The following PUDP variants were observed in gnomAD, a reference collection of about 807,000 sequenced individuals.
The protein encoded by PUDP is pseudouridine-5'-phosphatase.
Under a neutral mutation model 9.4 loss-of-function variants are expected in PUDP, and 8 were observed. The ratio of observed to expected loss-of-function variants is 0.85; its 90% confidence interval spans 0.50 to 1.53. The LOEUF (loss-of-function observed/expected upper bound fraction) is 1.53. Ranked by LOEUF, PUDP falls within the 40% of genes most tolerant of loss-of-function variation. The pLI, the probability that PUDP is intolerant of heterozygous loss-of-function variation, is 0.00. For missense variants in PUDP, 188 were observed against 189.7 expected (o/e 0.99, Z 0.05); for synonymous variants, 99 against 80.7 (o/e 1.23, Z -1.22).
chrX:6,811,392 G>A (rs976735975), intron 3 of PUDP, among the ~76,000 whole-genome samples: 3 of 110,668 alleles, frequency 2.7e-5, no homozygotes, highest in Non-Finnish European at 3.8e-5. Flanking sequence ...TCGGCTCACT[G>A]CAACCTCCAC....
At chrX:6,724,307 A>G (rs756310624), upstream of PUDP, among the ~76,000 whole-genome samples, 6 of 111,182 alleles carry the variant, frequency 5.4e-5, no homozygotes, top group East Asian at 5.6e-4. Context: ...TGAAAGGTCA[A>G]GGAATAATAA....
At chrX:6,988,350 C>T (rs1602703192) in intron 1 of PUDP, among the ~76,000 whole-genome samples, 1 of 111,447 alleles carries the variant, frequency 9.0e-6, no homozygotes. Context: ...GCTGCTTATT[C>T]TCGTGGCCCA....
chrX:7,117,177 G>T (rs1932220466), intron 1 of PUDP: 1 of 933,204 alleles, frequency 1.1e-6, no homozygotes. Flanking sequence ...TGAAAATATG[G>T]AAGTGACTTT....
intron 3 of PUDP, among the ~76,000 whole-genome samples, chrX:7,068,008 G>C (rs780258474): frequency 1.4e-4 from 16 of 111,406 alleles, no homozygotes; most frequent in African/African-American, 4.9e-4. Context: ...TGATTGTGAG[G>C]CCTCCCCAGT....
chrX:6,813,384 T>C (rs1365036565), intron 3 of PUDP, among the ~76,000 whole-genome samples: 1 of 111,310 alleles, frequency 9.0e-6, no homozygotes, highest in African/African-American at 3.3e-5. Context: ...AAAGACTTCA[T>C]GATAAACAGC....
intron 3 of PUDP, among the ~76,000 whole-genome samples, chrX:6,821,261 A>G (rs1202412461): frequency 3.6e-5 from 4 of 111,700 alleles, no homozygotes; most frequent in Non-Finnish European, 5.7e-5. Context: ...GCGGGACTCT[A>G]TAAGTGAAGA....
intron 3 of PUDP, among the ~76,000 whole-genome samples, chrX:6,819,957 A>G (rs1204515626): frequency 9.1e-6 from 1 of 110,477 alleles, no homozygotes; most frequent in Non-Finnish European, 1.9e-5. Context: ...CCACAAATCT[A>G]CCATCCAGAC....
intron 1 of PUDP, among the ~76,000 whole-genome samples, chrX:7,012,654 G>A (rs765775767): frequency 3.6e-5 from 4 of 110,836 alleles, no homozygotes; most frequent in Non-Finnish European, 5.7e-5. Flanking sequence ...AGCGGACTAT[G>A]GGTAAGTGCC....
chrX:6,928,461 T>C (rs900298846), intron 3 of PUDP, among the ~76,000 whole-genome samples: 4 of 111,557 alleles, frequency 3.6e-5, no homozygotes, highest in African/African-American at 9.8e-5. Context: ...ACAGTAGGAA[T>C]AGCTTGTGAA....
chrX:6,895,570 G>A (rs762387898), intron 3 of PUDP, among the ~76,000 whole-genome samples: 2 of 109,908 alleles, frequency 1.8e-5, no homozygotes, highest in African/African-American at 3.3e-5. Context: ...TGATATATAA[G>A]CTAAAATAAA....
chrX:6,739,870 A>G, intron 3 of PUDP, among the ~76,000 whole-genome samples: 1 of 111,836 alleles, frequency 8.9e-6, no homozygotes, highest in Non-Finnish European at 1.9e-5. Context: ...TTTTTGGAGT[A>G]GTATTTTAGT....
chrX:6,965,433 T>C (rs1448005914), intron 3 of PUDP, among the ~76,000 whole-genome samples: 4 of 112,512 alleles, frequency 3.6e-5, no homozygotes, highest in Non-Finnish European at 7.5e-5. Context: ...ATAGATGGCT[T>C]TAGAATATCA....
chrX:6,981,682 T>C (rs1929035064), intron 1 of PUDP, among the ~76,000 whole-genome samples: 1 of 111,395 alleles, frequency 9.0e-6, no homozygotes, highest in South Asian at 3.8e-4. Context: ...TATATTTTAC[T>C]TCTTGGGCCA....
chrX:6,933,064 G>A lies in PUDP; in HGVS notation c.*247+44069C>T, dbSNP rs1465075947. On this transcript the variant is annotated intron_variant and NMD_transcript_variant, in intron 3 of 3. Coordinates refer to the PUDP transcript ENST00000655425. ...CAGGGCACAGACAAACAAAAAGACA[G>A]CAGTAACCTCTGCAGACTTAAATGT... 2.3e-4 allele frequency among the ~76,000 whole-genome samples: 25 copies of A among 110,906 alleles called. No individual in the cohort carries two copies. The East Asian group carries it at 6.9e-3, about 31-fold the overall frequency.
intron 3 of PUDP, among the ~76,000 whole-genome samples, chrX:6,816,560 T>C (rs905028047): frequency 2.9e-5 from 3 of 102,076 alleles, no homozygotes; most frequent in Non-Finnish European, 5.9e-5. Flanking sequence ...AGTATGCATA[T>C]TATATACATA....
At chrX:6,962,322 G>A (rs1015951552) in intron 3 of PUDP, among the ~76,000 whole-genome samples, 6 of 111,817 alleles carry the variant, frequency 5.4e-5, no homozygotes, top group African/African-American at 1.9e-4. Flanking sequence ...ACTACACCCC[G>A]GTGTTTGAGT....
At chrX:7,135,376 C>T (rs1389422967) in intron 1 of PUDP, among the ~76,000 whole-genome samples, 3 of 112,142 alleles carry the variant, frequency 2.7e-5, no homozygotes, top group Non-Finnish European at 3.8e-5. Flanking sequence ...GACAAACTAT[C>T]GGATTCCAAT....
At chrX:7,106,349 A>G (rs1341087885) in intron 1 of PUDP, among the ~76,000 whole-genome samples, 3 of 112,129 alleles carry the variant, frequency 2.7e-5, no homozygotes, top group Admixed American at 9.4e-5. Flanking sequence ...TTTAATGCAC[A>G]GGCTGTCACG....
At chrX:6,887,089 A>C (rs1336478229) in intron 3 of PUDP, among the ~76,000 whole-genome samples, 37 of 103,474 alleles carry the variant, frequency 3.6e-4, no homozygotes, top group Admixed American at 3.3e-3. Flanking sequence ...TTATATGATA[A>C]ATTATATATA....
Sources: gnomAD v4.1 joint callset for allele counts (sites outside exome capture counted in the v4.1 genomes callset) on GRCh38, gnomAD v4.1.1 for gene constraint, MANE v1.5 for transcripts, NCBI Gene and HGNC (gene_info 2026-07-23, HGNC 2026-07-21) for gene names.